KAT2B: variants seen among roughly 807,000 people sequenced by gnomAD.
KAT2B encodes lysine acetyltransferase 2B.
KAT2B carries 36 observed loss-of-function variants against 105.9 expected under a neutral mutation model. The ratio of observed to expected loss-of-function variants is 0.34; its 90% CI spans 0.26 to 0.45. KAT2B has a LOEUF of 0.45. KAT2B is among the 20% of genes least tolerant of loss of function. The pLI is 1.00. For missense variants in KAT2B, 820 were observed against 1,021.6 expected, an observed-to-expected ratio of 0.80 and a Z score of 2.69; for synonymous variants, 397 against 377.9, an observed-to-expected ratio of 1.05 and a Z score of -0.59.
intron 1 of KAT2B, among the ~76,000 whole-genome samples, chr3:20,044,875 G>T (rs929517297): frequency 1.3e-5 from 2 of 152,178 alleles, no homozygotes; most frequent in Non-Finnish European, 2.9e-5. Flanking sequence ...ATGAACCAGA[G>T]AAGAGAAAAT....
intron 1 of KAT2B, among the ~76,000 whole-genome samples, chr3:20,071,757 A>G (rs1017965170): frequency 1.3e-5 from 2 of 152,206 alleles, no homozygotes; most frequent in Non-Finnish European, 2.9e-5. Context: ...CCAGGACTAC[A>G]TGATGAAGCC....
intron 2 of KAT2B, among the ~76,000 whole-genome samples, chr3:20,081,107 C>A (rs1698512017): frequency 6.6e-6 from 1 of 152,128 alleles, no homozygotes. Context: ...TCATTGTAGT[C>A]ATTAATTTTA....
chr3:20,094,807 A>G (rs1488468982), intron 2 of KAT2B, among the ~76,000 whole-genome samples: 1 of 152,134 alleles, frequency 6.6e-6, no homozygotes, highest in Non-Finnish European at 1.5e-5. Flanking sequence ...TGAGCTCTCC[A>G]CAGGACTTAG....
intron 1 of KAT2B, among the ~76,000 whole-genome samples, chr3:20,043,072 T>C (rs1697747454): frequency 6.6e-6 from 1 of 152,032 alleles, no homozygotes; most frequent in East Asian, 1.9e-4. Flanking sequence ...TTATTATTAT[T>C]ATTTGTATTC....
At chr3:20,149,495 CA>C (rs56091316) in intron 17 of KAT2B, among the ~76,000 whole-genome samples, 11,760 of 42,222 alleles carry the variant, frequency 0.28, 558 homozygotes, top group Admixed American at 0.33. Context: ...GACCGTATCT[CA>C]AAAAAAAAAA....
chr3:20,146,694 G>A (rs1305888943), intron 14 of KAT2B: 1 of 254,616 alleles, frequency 3.9e-6, no homozygotes, highest in Admixed American at 4.8e-5. Flanking sequence ...TTGTAGCACA[G>A]TGCGAATTAT....
At chr3:20,063,094 A>G (rs1559514938) in intron 1 of KAT2B, among the ~76,000 whole-genome samples, 1 of 151,606 alleles carries the variant, frequency 6.6e-6, no homozygotes, top group Non-Finnish European at 1.5e-5. Flanking sequence ...TTTAGACAGT[A>G]TCTTGCTCTG....
At chr3:20,120,290 T>C (rs7609821) in intron 8 of KAT2B, among the ~76,000 whole-genome samples, 96,655 of 151,738 alleles carry the variant, frequency 0.64, 31,309 homozygotes, top group African/African-American at 0.76. Flanking sequence ...TGCAGTGGTG[T>C]GATCTCAGCT....
chr3:20,104,913 G>A (rs1231225737), intron 5 of KAT2B, among the ~76,000 whole-genome samples: 1 of 146,966 alleles, frequency 6.8e-6, no homozygotes, highest in African/African-American at 2.5e-5. Context: ...TTGAGATGGA[G>A]TCTCACTCTG....
intron 1 of KAT2B, among the ~76,000 whole-genome samples, chr3:20,043,728 TAA>T (rs5847040): frequency 0.074 from 9,485 of 127,426 alleles, 526 homozygotes; most frequent in African/African-American, 0.16. Flanking sequence ...TTGCTTTTTT[TAA>T]AAAAAAAAAA....
chr3:20,043,756 G>A (rs1391503920), intron 1 of KAT2B, among the ~76,000 whole-genome samples: 1 of 151,936 alleles, frequency 6.6e-6, no homozygotes, highest in Non-Finnish European at 1.5e-5. Context: ...AACTGGACTT[G>A]ATTGGGTACG....
chr3:20,061,735 A>T (rs1361274722), intron 1 of KAT2B, among the ~76,000 whole-genome samples: 1 of 141,452 alleles, frequency 7.1e-6, no homozygotes, highest in Non-Finnish European at 1.5e-5. Context: ...ATGAAAAAAT[A>T]ATATATATGA....
intron 1 of KAT2B, among the ~76,000 whole-genome samples, chr3:20,043,894 T>C (rs1697761426): frequency 6.6e-6 from 1 of 151,546 alleles, no homozygotes; most frequent in African/African-American, 2.4e-5. Context: ...ATTAGAGAGA[T>C]TAGAGAATGA....
At chr3:20,106,398 A>G (rs1699003426) in intron 5 of KAT2B, among the ~76,000 whole-genome samples, 1 of 152,082 alleles carries the variant, frequency 6.6e-6, no homozygotes, top group South Asian at 2.1e-4. Context: ...CACTGTGTGC[A>G]ATAATAATAT....
At chr3:20,092,084 C>T (rs1698728790) in intron 2 of KAT2B, among the ~76,000 whole-genome samples, 1 of 151,964 alleles carries the variant, frequency 6.6e-6, no homozygotes, top group Non-Finnish European at 1.5e-5. Context: ...TCTGTTAGGT[C>T]CATTTTCTTT....
intron 1 of KAT2B, among the ~76,000 whole-genome samples, chr3:20,058,065 C>T (rs534648776): frequency 6.6e-6 from 1 of 152,272 alleles, no homozygotes; most frequent in East Asian, 1.9e-4. Context: ...GTCATTTCCT[C>T]ATGATATGCT....
At chr3:20,058,775 A>G (rs930951355) in intron 1 of KAT2B, among the ~76,000 whole-genome samples, 3 of 152,192 alleles carry the variant, frequency 2.0e-5, no homozygotes, top group African/African-American at 7.2e-5. Context: ...GGGAAGGATT[A>G]CTGAACCATT....
At chr3:20,078,193 T>C (rs139304351) in intron 2 of KAT2B, among the ~76,000 whole-genome samples, 1,821 of 151,848 alleles carry the variant, frequency 0.012, 38 homozygotes, top group African/African-American at 0.042. Flanking sequence ...AATAAATAAA[T>C]AAATAAATAA....
At chr3:20,051,501 T>G (rs886635481) in intron 1 of KAT2B, among the ~76,000 whole-genome samples, 15 of 152,174 alleles carry the variant, frequency 9.9e-5, no homozygotes, top group Admixed American at 6.5e-4. Flanking sequence ...GAACCATACA[T>G]GTTGAGAGTG....
Sources: allele counts gnomAD v4.1 joint callset (sites outside exome capture counted in the v4.1 genomes callset), GRCh38; gene constraint gnomAD v4.1.1; transcripts MANE v1.5; gene names NCBI Gene and HGNC (gene_info 2026-07-23, HGNC 2026-07-21).